PRKN: variants seen among roughly 807,000 people sequenced by gnomAD.
PRKN encodes parkin RBR E3 ubiquitin protein ligase.
A neutral mutation model predicts 59.5 loss-of-function variants in PRKN; 56 were observed. The ratio of observed to expected loss-of-function variants is 0.94; its 90% CI spans 0.76 to 1.18. The LOEUF is 1.18. Among genes scored for constraint, PRKN ranks in the 50% most tolerant of loss-of-function variants. The pLI, the probability that PRKN is intolerant of heterozygous loss-of-function variation, is 0.00. For missense variants in PRKN, 657 were observed against 596.4 expected, an observed-to-expected ratio of 1.10 and a Z score of -1.06; for synonymous variants, 250 against 222.1, an observed-to-expected ratio of 1.13 and a Z score of -1.12.
intron 10 of PRKN, among the ~76,000 whole-genome samples, chr6:161,375,177 C>T (rs1323399253): frequency 6.6e-6 from 1 of 152,138 alleles, no homozygotes; most frequent in Non-Finnish European, 1.5e-5. Context: ...TGGAGGGAAC[C>T]CCCCGGGGGT....
chr6:161,874,952 A>T (rs1794644875), intron 6 of PRKN, among the ~76,000 whole-genome samples: 1 of 109,460 alleles, frequency 9.1e-6, no homozygotes, highest in Non-Finnish European at 1.6e-5. Context: ...TATTATAGGT[A>T]CTTTATATAT....
chr6:162,111,594 G>C (rs541435109), intron 4 of PRKN, among the ~76,000 whole-genome samples: 1 of 152,216 alleles, frequency 6.6e-6, no homozygotes, highest in African/African-American at 2.4e-5. Flanking sequence ...TGTAGCATGG[G>C]TATTTGTGTG....
chr6:162,218,369 G>GGT, intron 3 of PRKN, among the ~76,000 whole-genome samples: 1 of 152,062 alleles, frequency 6.6e-6, no homozygotes, highest in East Asian at 1.9e-4. Context: ...TCGTTCACTA[G>GGT]GTGTGGGAAG....
chr6:161,874,348 A>G (rs1204357983), intron 6 of PRKN, among the ~76,000 whole-genome samples: 1 of 81,684 alleles, frequency 1.2e-5, no homozygotes, highest in Non-Finnish European at 2.1e-5. Context: ...TATTATATAT[A>G]AAATATATAT....
intron 2 of PRKN, among the ~76,000 whole-genome samples, chr6:162,342,920 C>T (rs1354851692): frequency 6.6e-6 from 1 of 152,026 alleles, no homozygotes; most frequent in Non-Finnish European, 1.5e-5. Flanking sequence ...AAAAAAGAGT[C>T]CAGGTTGCTC....
Position 161,405,397 on chromosome 6 carries a change from G to T in PRKN, c.1084-18520C>A, listed in dbSNP as rs1374919536. 1.3e-5 allele frequency among the ~76,000 whole-genome samples: 2 copies of T among 151,914 alleles called. No individual in the cohort carries two copies. The highest frequency in any genetic ancestry group is 2.9e-5 in the Non-Finnish European group (2 of 67,994). On this transcript the variant is annotated intron_variant, in intron 9 of 11. Transcript: ENST00000366898. The surrounding 1 kb of genome is among the most constrained non-coding windows in gnomAD (Gnocchi z 5.1). ...GTTCGAGACCAGCCTGGCCAACATG[G>T]TGAAACCCCGTCTCTACCGAAAATG... is the stretch of plus-strand genomic sequence containing the variant.
intron 7 of PRKN, among the ~76,000 whole-genome samples, chr6:161,714,513 T>C (rs139372940): frequency 4.3e-4 from 65 of 152,330 alleles, no homozygotes; most frequent in Non-Finnish European, 4.7e-4. Flanking sequence ...TATCTTGGAC[T>C]TCCCGGCCTC....
At chr6:161,425,666 G>A (rs982448647) in intron 9 of PRKN, among the ~76,000 whole-genome samples, 6 of 152,140 alleles carry the variant, frequency 3.9e-5, no homozygotes, top group Non-Finnish European at 7.3e-5. Flanking sequence ...ACCCACTGGA[G>A]AGGTGTCTTC....
chr6:161,803,914 G>A (rs146694262), intron 6 of PRKN, among the ~76,000 whole-genome samples: 318 of 152,276 alleles, frequency 2.1e-3, no homozygotes, highest in African/African-American at 7.3e-3. Flanking sequence ...GTACTATTTC[G>A]CTAAAAGGAA....
chr6:161,429,070 A>G lies in PRKN; in HGVS notation c.1084-42193T>C, dbSNP rs1482402910. ...TCCTGAAGCTAAACTTCTCTTAGAC[A>G]GGACACCTGCAGATGGCACCTTTGC... On this transcript the variant is annotated intron_variant, in intron 9 of 11. Coordinates refer to ENST00000366898, the MANE Select transcript of PRKN (RefSeq NM_004562.3). This position sits in a 1 kb window ranked among gnomAD's most constrained non-coding sequence, Gnocchi z 4.2. Among the ~76,000 whole-genome samples, 3 of 152,244 alleles carry G rather than the reference A, an allele frequency of 2.0e-5. No individual in the cohort carries two copies. Among genetic ancestry groups the G allele is most frequent in the Non-Finnish European group, 2.9e-5 (2 of 68,048 alleles).
chr6:161,749,880 G>A (rs1298562220), intron 7 of PRKN, among the ~76,000 whole-genome samples: 1 of 152,066 alleles, frequency 6.6e-6, no homozygotes, highest in East Asian at 1.9e-4. Flanking sequence ...GACAGTCAGA[G>A]TACTTTAAAA....
intron 3 of PRKN, among the ~76,000 whole-genome samples, chr6:162,245,582 C>T (rs578138230): frequency 5.9e-5 from 9 of 152,154 alleles, no homozygotes; most frequent in African/African-American, 7.2e-5. Flanking sequence ...TTAGAGGTCA[C>T]GCTCAAATGG....
At chr6:161,979,429 T>C (rs994623762) in intron 5 of PRKN, among the ~76,000 whole-genome samples, 2 of 152,116 alleles carry the variant, frequency 1.3e-5, no homozygotes, top group African/African-American at 2.4e-5. Context: ...TGTGCCACCA[T>C]GCCTGGCTAA....
At chr6:161,474,719 C>T (rs1022997057) in intron 9 of PRKN, among the ~76,000 whole-genome samples, 4 of 151,724 alleles carry the variant, frequency 2.6e-5, no homozygotes, top group Admixed American at 6.6e-5. Context: ...CTCAGCCTCC[C>T]GAGTAGCTGG....
Position 162,298,137 on chromosome 6 carries a change from A to T in PRKN, c.172-35372T>A, listed in dbSNP as rs546650129. Among the ~76,000 whole-genome samples the T allele has an allele frequency of 8.8e-4, 134 of 151,898 alleles. 2 individuals are homozygous for T. Among genetic ancestry groups the T allele is most frequent in the African/African-American group, 2.7e-3 (113 of 41,382 alleles). ...CCTCCAGTTGGGTTTTGACAAGGGG[A>T]GGTACCAGGAGGTCAATGGGTACAG... On this transcript the variant is annotated intron_variant, in intron 2 of 11. Coordinates refer to ENST00000366898, the MANE Select transcript of PRKN (RefSeq NM_004562.3).
At chr6:161,516,370 G>C (rs764931944) in intron 9 of PRKN, among the ~76,000 whole-genome samples, 13 of 149,446 alleles carry the variant, frequency 8.7e-5, no homozygotes, top group Non-Finnish European at 1.6e-4. Context: ...GGGAGGCTAA[G>C]GTAGGAGAAT....
chr6:161,489,973 C>T (rs1222085987), intron 9 of PRKN, among the ~76,000 whole-genome samples: 1 of 152,214 alleles, frequency 6.6e-6, no homozygotes, highest in African/African-American at 2.4e-5. Flanking sequence ...ATCCAATTTC[C>T]ACAGTAACTC....
At chr6:161,426,093 A>G (rs1583051323) in intron 9 of PRKN, among the ~76,000 whole-genome samples, 1 of 152,128 alleles carries the variant, frequency 6.6e-6, no homozygotes, top group African/African-American at 2.4e-5. Context: ...TGTAGGAGCA[A>G]AAAATGTGAT....
chr6:162,367,280 A>C (rs1309558569), intron 2 of PRKN, among the ~76,000 whole-genome samples: 3 of 152,180 alleles, frequency 2.0e-5, no homozygotes, highest in Non-Finnish European at 4.4e-5. Flanking sequence ...ACTGTGAGTC[A>C]ATTAAACCTC....
Sources: gnomAD v4.1 joint callset for allele counts (sites outside exome capture counted in the v4.1 genomes callset) on GRCh38, gnomAD v4.1.1 for gene constraint, Gnocchi (gnomAD v3.1) non-coding constraint, MANE v1.5 for transcripts, NCBI Gene and HGNC (gene_info 2026-07-23, HGNC 2026-07-21) for gene names.